SAMM50: variants seen among roughly 807,000 people sequenced by gnomAD.
The protein encoded by SAMM50 is SAMM50 sorting and assembly machinery component.
SAMM50 carries 47 observed loss-of-function variants against 66.9 expected under a neutral mutation model. The observed-to-expected ratio is 0.70, with a 90% CI of 0.56 to 0.90. The LOEUF is 0.90. Ranked by LOEUF, SAMM50 falls within the 40% of genes least tolerant of loss-of-function variation. The probability of loss-of-function intolerance (pLI) is 0.00; values close to 1 mark genes in which losing one functional copy is unlikely to be tolerated. For missense variants in SAMM50, 535 were observed against 595.3 expected (o/e 0.90, Z 1.05); for synonymous variants, 191 against 214.1 (o/e 0.89, Z 0.94).
Position 43,972,327 on chromosome 22 carries a change from C to CA in SAMM50, c.416dup (p.Asn139LysfsTer2). ...GCAGTTATAACACCATGGTTGGAAACAATGAAGGCAGTATGGTATGCTACA... is the reference window on the plus strand; with the variant it reads ...GCAGTTATAACACCATGGTTGGAAACAAATGAAGGCAGTATGGTATGCTACA... On this transcript the variant is annotated frameshift_variant, in exon 5 of 15. Coordinates refer to ENST00000350028, the MANE Select transcript of SAMM50 (RefSeq NM_015380.5). LOFTEE classifies it high-confidence loss of function. The CA allele has an allele frequency of 6.3e-7, 1 of 1,586,628 alleles. No individual in the cohort carries two copies. Among genetic ancestry groups the CA allele is most frequent in the Non-Finnish European group, 8.6e-7 (1 of 1,166,202 alleles).
chr22:43,966,362 C>CTTT (rs957029274), intron 3 of SAMM50, among the ~76,000 whole-genome samples: 1 of 146,212 alleles, frequency 6.8e-6, no homozygotes, highest in East Asian at 2.0e-4. Context: ...AGTCCACTGT[C>CTTT]TTTTTTTTTT....
chr22:43,981,616 G>C (rs956306923), intron 11 of SAMM50, among the ~76,000 whole-genome samples, 155 bp downstream of exon 11: 1 of 152,016 alleles, frequency 6.6e-6, no homozygotes, highest in Admixed American at 6.6e-5. Flanking sequence ...TCTAAATATC[G>C]GGTATACCTC....
chr22:43,957,725 A>G (rs1039766913), intron 1 of SAMM50, among the ~76,000 whole-genome samples: 1 of 150,896 alleles, frequency 6.6e-6, no homozygotes, highest in Non-Finnish European at 1.5e-5. Context: ...CGCCCAGCCA[A>G]TTATAACTAC....
At chr22:43,956,213 G>T (rs928727169) in intron 1 of SAMM50, among the ~76,000 whole-genome samples, 1 of 152,156 alleles carries the variant, frequency 6.6e-6, no homozygotes. Flanking sequence ...AACTCCTCTC[G>T]TTTATCCTAA....
intron 12 of SAMM50, among the ~76,000 whole-genome samples, chr22:43,985,901 T>G (rs1004552755): frequency 6.6e-6 from 1 of 151,840 alleles, no homozygotes; most frequent in Non-Finnish European, 1.5e-5. Context: ...TATTATCTTT[T>G]TAAAGACCAA....
intron 7 of SAMM50, 86 bp downstream of exon 7, chr22:43,973,409 G>A (rs2050214591): frequency 2.5e-6 from 2 of 799,746 alleles, no homozygotes; most frequent in Admixed American, 1.9e-5. Context: ...CAAGAGGGCA[G>A]CGTGGAAAGC....
intron 14 of SAMM50, 38 bp from the exon 15 acceptor site, chr22:43,996,300 G>A: frequency 5.6e-6 from 9 of 1,612,550 alleles, no homozygotes; most frequent in Non-Finnish European, 6.8e-6. Flanking sequence ...CAGGGCTGGC[G>A]GAGCGGCCGC....
intron 14 of SAMM50, among the ~76,000 whole-genome samples, chr22:43,995,827 ATCCT>A (rs989439319): frequency 1.3e-5 from 2 of 152,224 alleles, no homozygotes; most frequent in Admixed American, 1.3e-4. Context: ...TGACCTTTGC[ATCCT>A]TCCTTCCTGG....
At chr22:43,987,062 G>A (rs780533424) in intron 12 of SAMM50, 10 of 152,100 alleles carry the variant, frequency 6.6e-5, no homozygotes, top group Non-Finnish European at 8.8e-5. Context: ...GTGATATGCC[G>A]AGTCTATGAG....
intron 10 of SAMM50, 140 bp from the exon 11 acceptor site, chr22:43,981,251 C>T (rs765459122): frequency 1.0e-5 from 7 of 667,056 alleles, no homozygotes; most frequent in Non-Finnish European, 1.9e-5. Flanking sequence ...ACAAGCCAGG[C>T]ATTCTCCTGC....
At chr22:43,990,536 T>C in intron 14 of SAMM50, 130 bp downstream of exon 14, 1 of 985,566 alleles carries the variant, frequency 1.0e-6, no homozygotes, top group Admixed American at 2.3e-5. Context: ...AGTTGCAAAA[T>C]AATGAAAACA....
chr22:43,970,142 C>T (rs977149415), intron 4 of SAMM50, among the ~76,000 whole-genome samples: 14 of 152,194 alleles, frequency 9.2e-5, no homozygotes, highest in African/African-American at 3.4e-4. Flanking sequence ...GTCTCCATCT[C>T]TCCACACAGC....
In SAMM50 at chr22:43,990,298, C is replaced by T. The variant is rs2050316536; in HGVS notation, c.1256C>T (p.Ala419Val). 2 of 1,614,174 alleles carry T rather than the reference C, an allele frequency of 1.2e-6. No homozygotes were observed. Among genetic ancestry groups the T allele is most frequent in the Non-Finnish European group, 1.7e-6 (2 of 1,180,022 alleles). Residue 419 changes from alanine to valine, a missense_variant, in exon 14 of 15, where the codon GCT becomes GTT. Physicochemically the swap from Ala to Val is moderately conservative, Grantham distance 64. Coordinates refer to ENST00000350028, the MANE Select transcript of SAMM50 (RefSeq NM_015380.5). ...CCCAAAGCTCATATTCGTAAGCTGGCTGAGTGCATCCGCTGGTCGTACGGG... is the reference window on the plus strand; with the variant it reads ...CCCAAAGCTCATATTCGTAAGCTGGTTGAGTGCATCCGCTGGTCGTACGGG... ...EGPKAHIRKL[A>V]ECIRWSYGAG... is the part of the protein sequence containing the mutation.
chr22:43,957,331 T>A, intron 1 of SAMM50: 1 of 604,432 alleles, frequency 1.7e-6, no homozygotes. Flanking sequence ...AGTAATGCTG[T>A]ACCCCTCAAG....
intron 1 of SAMM50, chr22:43,957,330 G>C: frequency 1.7e-6 from 1 of 599,462 alleles, no homozygotes; most frequent in East Asian, 2.9e-5. Flanking sequence ...GAGTAATGCT[G>C]TACCCCTCAA....
chr22:43,980,310 A>G (rs1171119549), intron 10 of SAMM50, among the ~76,000 whole-genome samples: 1 of 144,906 alleles, frequency 6.9e-6, no homozygotes, highest in African/African-American at 2.6e-5. Context: ...AGGGAAACCT[A>G]TAAGCTAGTA....
In SAMM50 at chr22:43,955,509, T is replaced by C. The variant is rs2050114044; in HGVS notation, c.-69T>C. On this transcript the variant is annotated 5_prime_UTR_variant, in exon 1 of 15. Coordinates refer to ENST00000350028, the MANE Select transcript of SAMM50 (RefSeq NM_015380.5). The stretch of plus-strand genomic sequence containing the variant: ...CAGCTCCGCCACCGCGGACCCGCCT[T>C]CTGCCCTCAGCAGCAGACGCTCTGT... The C allele has an allele frequency of 6.4e-6, 10 of 1,550,868 alleles. No homozygotes were observed. Among genetic ancestry groups the C allele is most frequent in the Non-Finnish European group, 8.7e-6 (10 of 1,143,672 alleles).
intron 1 of SAMM50, chr22:43,957,322 G>A (rs1392631688): frequency 8.0e-6 from 5 of 624,604 alleles, no homozygotes; most frequent in Non-Finnish European, 1.5e-5. Flanking sequence ...CAGAATCCGA[G>A]TAATGCTGTA....
chr22:43,976,898 T>C, intron 9 of SAMM50, 77 bp downstream of exon 9: 2 of 547,708 alleles, frequency 3.7e-6, no homozygotes, highest in South Asian at 1.7e-5. Flanking sequence ...CCCGGTGGGC[T>C]GGGTGGGCCT....
Sources: allele counts gnomAD v4.1 joint callset (sites outside exome capture counted in the v4.1 genomes callset), GRCh38; gene constraint gnomAD v4.1.1; transcripts MANE v1.5; gene names NCBI Gene and HGNC (gene_info 2026-07-23, HGNC 2026-07-21).